The following CTNNA3 variants were observed in gnomAD, a reference collection of about 807,000 sequenced individuals.
The protein encoded by CTNNA3 is catenin alpha-3.
CTNNA3 carries 76 observed loss-of-function variants against 95.7 expected under a neutral mutation model. That is an observed-to-expected ratio of 0.79 (90% CI 0.66 to 0.96). The LOEUF (loss-of-function observed/expected upper bound fraction) is 0.96, where lower values mean the gene tolerates loss of function less well. Among genes scored for constraint, CTNNA3 ranks in the 40% least tolerant of loss-of-function variants. The pLI, the probability that CTNNA3 is intolerant of heterozygous loss-of-function variation, is 0.00. For synonymous variants in CTNNA3, 431 were observed against 374.4 expected (o/e 1.15, Z -1.74); for missense variants, 1,191 against 1,089.8 (o/e 1.09, Z -1.31).
At chr10:66,845,011 C>T (rs1843196044) in intron 7 of CTNNA3, among the ~76,000 whole-genome samples, 1 of 151,958 alleles carries the variant, frequency 6.6e-6, no homozygotes, top group Non-Finnish European at 1.5e-5. Context: ...TTTGTAGGAC[C>T]ACAAACCATG....
At chr10:66,806,650 G>A (rs933546677) in intron 7 of CTNNA3, among the ~76,000 whole-genome samples, 1 of 151,770 alleles carries the variant, frequency 6.6e-6, no homozygotes, top group Non-Finnish European at 1.5e-5. Flanking sequence ...CTCAATGGAA[G>A]GCTAAGACTT....
At chr10:67,233,655 T>C (rs1249167510) in intron 5 of CTNNA3, among the ~76,000 whole-genome samples, 1 of 147,664 alleles carries the variant, frequency 6.8e-6, no homozygotes, top group East Asian at 2.0e-4. Context: ...AAGAAATAAC[T>C]AAAATCAGAG....
intron 5 of CTNNA3, among the ~76,000 whole-genome samples, chr10:67,496,341 G>A (rs746007218): frequency 2.6e-5 from 4 of 152,026 alleles, no homozygotes; most frequent in Non-Finnish European, 4.4e-5. Context: ...GAGAAAGATA[G>A]GTTTAAAAAT....
Position 66,491,900 on chromosome 10 carries a change from C to A in CTNNA3, c.1531+28717G>T, listed in dbSNP as rs966705299. Among the ~76,000 whole-genome samples the A allele has an allele frequency of 3.3e-5, 5 of 151,998 alleles. No homozygotes were observed. The South Asian group carries it at 1.0e-3, about 32-fold the overall frequency. On this transcript the variant is annotated intron_variant, in intron 11 of 17. Coordinates refer to ENST00000433211, the MANE Select transcript of CTNNA3 (RefSeq NM_013266.4). ...TATCAGTCTCTTTGTTTTGGATATC[C>A]TTTTTCTTCATCCCCATTTTAGTCT...
At chr10:67,029,024 A>G (rs1853564125) in intron 7 of CTNNA3, among the ~76,000 whole-genome samples, 2 of 152,158 alleles carry the variant, frequency 1.3e-5, no homozygotes, top group Admixed American at 1.3e-4. Flanking sequence ...TGTGCTTTCC[A>G]TTAATAACAT....
chr10:66,328,718 C>T (rs1045828147), intron 12 of CTNNA3, among the ~76,000 whole-genome samples: 1 of 151,110 alleles, frequency 6.6e-6, no homozygotes, highest in Non-Finnish European at 1.5e-5. Context: ...CACAATATGC[C>T]TTCTGCAGGC....
At chr10:66,254,065 C>T (rs1361189231) in intron 13 of CTNNA3, among the ~76,000 whole-genome samples, 1 of 152,124 alleles carries the variant, frequency 6.6e-6, no homozygotes, top group Non-Finnish European at 1.5e-5. Flanking sequence ...TCTGCTTTCC[C>T]TATATGGTCC....
chr10:66,617,130 G>A (rs1327966372), intron 10 of CTNNA3, among the ~76,000 whole-genome samples: 1 of 151,880 alleles, frequency 6.6e-6, no homozygotes, highest in Non-Finnish European at 1.5e-5. Flanking sequence ...TTCTGTGTGA[G>A]TGTGTTATAT....
At chr10:67,611,879 T>C (rs1387578327) in intron 2 of CTNNA3, among the ~76,000 whole-genome samples, 2 of 152,230 alleles carry the variant, frequency 1.3e-5, no homozygotes, top group Non-Finnish European at 2.9e-5. Flanking sequence ...ACATTTAAGC[T>C]ATGTTAATTA....
At chr10:67,715,244 G>T (rs1476997726) in intron 1 of CTNNA3, among the ~76,000 whole-genome samples, 1 of 152,144 alleles carries the variant, frequency 6.6e-6, no homozygotes, top group Admixed American at 6.5e-5. Context: ...TTCAATAAAT[G>T]GTAGCTATTT....
chr10:67,432,466 A>G (rs1846139938), intron 5 of CTNNA3, among the ~76,000 whole-genome samples: 1 of 152,110 alleles, frequency 6.6e-6, no homozygotes, highest in South Asian at 2.1e-4. Flanking sequence ...CACCCTATAG[A>G]GAGATGCTGT....
At chr10:67,596,365 T>C (rs971183207) in intron 3 of CTNNA3, among the ~76,000 whole-genome samples, 2 of 152,172 alleles carry the variant, frequency 1.3e-5, no homozygotes, top group African/African-American at 4.8e-5. Context: ...CCTTGAGTAG[T>C]AGGATATAAA....
chr10:66,321,728 A>G (rs2092189045), intron 12 of CTNNA3, among the ~76,000 whole-genome samples: 1 of 152,102 alleles, frequency 6.6e-6, no homozygotes, highest in Non-Finnish European at 1.5e-5. Flanking sequence ...TTGCCAAAAT[A>G]CTGTGTTTAC....
chr10:66,548,600 T>C (rs1381202805), intron 10 of CTNNA3, among the ~76,000 whole-genome samples: 3 of 152,294 alleles, frequency 2.0e-5, no homozygotes, highest in African/African-American at 4.8e-5. Context: ...ACATTTTCCA[T>C]TGATTCCTAA....
At chr10:66,845,678 G>A (rs966576448) in intron 7 of CTNNA3, among the ~76,000 whole-genome samples, 1 of 79,586 alleles carries the variant, frequency 1.3e-5, no homozygotes, top group Non-Finnish European at 2.3e-5. Context: ...ACTCCAGCCT[G>A]GGTAACAACA....
intron 10 of CTNNA3, among the ~76,000 whole-genome samples, chr10:66,614,560 A>G (rs1745365141): frequency 6.6e-6 from 1 of 151,960 alleles, no homozygotes; most frequent in Non-Finnish European, 1.5e-5. Context: ...TTCCCTACTT[A>G]TCAACACACT....
Position 66,709,843 on chromosome 10 carries a change from C to T in CTNNA3, c.1281+56421G>A, listed in dbSNP as rs182549074. Among the ~76,000 whole-genome samples, 6 of 152,132 alleles carry T rather than the reference C, an allele frequency of 3.9e-5. No homozygotes were observed. The East Asian group carries it at 5.8e-4, about 15-fold the overall frequency. ...AACAAACATGGCTGATTATGAGCCT[C>T]CCAAACATTCTTTAACCAAATCAGA... On this transcript the variant is annotated intron_variant, in intron 9 of 17. Coordinates refer to ENST00000433211, the MANE Select transcript of CTNNA3 (RefSeq NM_013266.4).
chr10:66,291,987 C>A (rs2091689806), intron 12 of CTNNA3, among the ~76,000 whole-genome samples: 1 of 150,938 alleles, frequency 6.6e-6, no homozygotes, highest in Admixed American at 6.6e-5. Context: ...CTCAATATAT[C>A]ATTTGATGTG....
At chr10:67,213,663 G>A (rs1864233120) in intron 6 of CTNNA3, among the ~76,000 whole-genome samples, 2 of 151,604 alleles carry the variant, frequency 1.3e-5, no homozygotes, top group Admixed American at 1.3e-4. Flanking sequence ...TCAGTTATAA[G>A]TATTTTTTAC....
Sources: gnomAD v4.1 joint callset for allele counts (sites outside exome capture counted in the v4.1 genomes callset) on GRCh38, gnomAD v4.1.1 for gene constraint, MANE v1.5 for transcripts, NCBI Gene and HGNC (gene_info 2026-07-23, HGNC 2026-07-21) for gene names.